The following DMGDH variants were observed in gnomAD, a reference collection of about 807,000 sequenced individuals.
The protein encoded by DMGDH is dimethylglycine dehydrogenase, mitochondrial.
DMGDH carries 76 observed loss-of-function variants against 95.2 expected under a neutral mutation model. The ratio of observed to expected loss-of-function variants is 0.80; its 90% CI spans 0.66 to 0.97. DMGDH has a LOEUF of 0.97. Among genes scored for constraint, DMGDH ranks in the 50% least tolerant of loss-of-function variants. The probability of loss-of-function intolerance (pLI) is 0.00; values close to 1 mark genes in which losing one functional copy is unlikely to be tolerated. For synonymous variants in DMGDH, 345 were observed against 377.6 expected, an observed-to-expected ratio of 0.91 and a Z score of 1.00; for missense variants, 987 against 1,055.0, an observed-to-expected ratio of 0.94 and a Z score of 0.89.
At chr5:79,020,821 A>C in intron 14 of DMGDH, 1 of 985,410 alleles carries the variant, frequency 1.0e-6, no homozygotes, top group Admixed American at 6.1e-5. Context: ...AATTCTTCTG[A>C]TGTGCTTCAA....
At chr5:79,017,921 A>G in intron 14 of DMGDH, among the ~76,000 whole-genome samples, 1 of 152,256 alleles carries the variant, frequency 6.6e-6, no homozygotes, top group Non-Finnish European at 1.5e-5. Flanking sequence ...CAGGTATACC[A>G]AGAGACTACT....
intron 14 of DMGDH, chr5:79,021,616 C>T (rs1388815527): frequency 7.6e-7 from 1 of 1,315,560 alleles, no homozygotes; most frequent in Admixed American, 2.1e-5. Flanking sequence ...CCTAATAAGG[C>T]CTGATGGCCC....
intron 5 of DMGDH, among the ~76,000 whole-genome samples, chr5:79,048,012 A>G (rs1754731079): frequency 1.3e-5 from 2 of 152,186 alleles, no homozygotes; most frequent in Non-Finnish European, 2.9e-5. Context: ...CCACTCTGCT[A>G]GTAAATTGGA....
chr5:79,019,645 G>C (rs1753814665), intron 14 of DMGDH, among the ~76,000 whole-genome samples: 1 of 152,150 alleles, frequency 6.6e-6, no homozygotes, highest in Non-Finnish European at 1.5e-5. Flanking sequence ...AGCACTTTGA[G>C]AGGCTGAGGC....
chr5:79,059,966 A>G (rs553530017), intron 2 of DMGDH, among the ~76,000 whole-genome samples: 3 of 152,342 alleles, frequency 2.0e-5, no homozygotes, highest in Admixed American at 6.5e-5. Flanking sequence ...AAAGCTAATC[A>G]CAATGGTGAT....
At chr5:79,034,598 A>G (rs1023804455) in intron 7 of DMGDH, among the ~76,000 whole-genome samples, 3 of 152,208 alleles carry the variant, frequency 2.0e-5, no homozygotes, top group African/African-American at 7.2e-5. Context: ...CAAAGCAGAC[A>G]TCAAGACACA....
At chr5:79,000,492 G>C in intron 15 of DMGDH, 1 of 605,404 alleles carries the variant, frequency 1.7e-6, no homozygotes, top group East Asian at 4.1e-5. Context: ...TACTTATTCG[G>C]TCTGTAACAG....
chr5:79,064,174 G>A (rs1009516902), intron 1 of DMGDH, among the ~76,000 whole-genome samples: 1 of 151,942 alleles, frequency 6.6e-6, no homozygotes, highest in Non-Finnish European at 1.5e-5. Flanking sequence ...GCAACATGAC[G>A]AAGCCCCGTC....
At chr5:79,062,527 C>T (rs1374701843) in intron 2 of DMGDH, among the ~76,000 whole-genome samples, 1 of 151,694 alleles carries the variant, frequency 6.6e-6, no homozygotes, top group African/African-American at 2.4e-5. Flanking sequence ...AAAACTGCAC[C>T]AGCAGTCCTA....
At chr5:79,008,723 A>C (rs901652410) in intron 14 of DMGDH, among the ~76,000 whole-genome samples, 17 of 152,300 alleles carry the variant, frequency 1.1e-4, no homozygotes, top group Middle Eastern at 3.4e-3. Context: ...ACCATGAGGG[A>C]AACAGGAAAG....
chr5:79,064,181 C>A (rs537117320), intron 1 of DMGDH, among the ~76,000 whole-genome samples: 1 of 151,872 alleles, frequency 6.6e-6, no homozygotes, highest in Non-Finnish European at 1.5e-5. Flanking sequence ...GACGAAGCCC[C>A]GTCTCTATAA....
intron 9 of DMGDH, among the ~76,000 whole-genome samples, chr5:79,032,385 C>A (rs991593747): frequency 2.0e-5 from 3 of 152,190 alleles, no homozygotes; most frequent in Admixed American, 2.0e-4. Flanking sequence ...TAGGAGCCAA[C>A]TGAAGCCAGG....
At chr5:79,055,969 G>A (rs1755019873) in intron 2 of DMGDH, 61 bp from the exon 3 acceptor site, 2 of 1,110,554 alleles carry the variant, frequency 1.8e-6, no homozygotes, top group South Asian at 1.3e-5. Context: ...AATGTTGACA[G>A]TTTATCTGTT....
chr5:79,049,102 G>A (rs1754762276), intron 5 of DMGDH, among the ~76,000 whole-genome samples: 1 of 152,122 alleles, frequency 6.6e-6, no homozygotes, highest in Non-Finnish European at 1.5e-5. Flanking sequence ...GAGACAAGCT[G>A]TTCTCAAGGA....
chr5:79,020,792 AAAC>A (rs1375096754), intron 14 of DMGDH: 82 of 985,118 alleles, frequency 8.3e-5, no homozygotes, highest in Non-Finnish European at 9.4e-5. Context: ...AAAGAGGGAG[AAAC>A]ATATTATAGA....
intron 13 of DMGDH, among the ~76,000 whole-genome samples, chr5:79,025,263 A>G (rs1753967455): frequency 1.3e-5 from 2 of 152,070 alleles, no homozygotes; most frequent in Admixed American, 6.5e-5. Flanking sequence ...AAGGCAGGAG[A>G]ATGGAGAAAT....
At chr5:79,055,221 G>C (rs943030792) in intron 3 of DMGDH, among the ~76,000 whole-genome samples, 4 of 152,218 alleles carry the variant, frequency 2.6e-5, no homozygotes, top group Non-Finnish European at 5.9e-5. Flanking sequence ...AGCAGGCAGA[G>C]GTCAGCTGAC....
rs1254403822 is a variant in DMGDH, at chr5:79,030,027, A to T, written c.1691T>A (p.Phe564Tyr). The T allele has an allele frequency of 3.1e-6, 5 of 1,612,642 alleles. No individual in the cohort carries two copies. In the African/African-American group the frequency reaches 4.0e-5, roughly 13 times the overall value. ...LFANVIPKVG[F>Y]TNISHMLTPK... Reference sequence around the variant, plus strand: ...TGTTAACATGTGACTTATATTTGTAAAACCCACCTACATAAAAAAATTAAA... The same window carrying T: ...TGTTAACATGTGACTTATATTTGTATAACCCACCTACATAAAAAAATTAAA... Residue 564 changes from phenylalanine to tyrosine, a missense_variant, in exon 11 of 16, where the codon TTT (phenylalanine) becomes TAT (tyrosine). Coordinates refer to ENST00000255189, the MANE Select transcript of DMGDH (RefSeq NM_013391.3).
At chr5:79,016,777 G>A (rs1283328429) in intron 14 of DMGDH, among the ~76,000 whole-genome samples, 1 of 152,136 alleles carries the variant, frequency 6.6e-6, no homozygotes, top group African/African-American at 2.4e-5. Context: ...AAGTTGCAGG[G>A]CTATCACAAC....
Sources: allele counts gnomAD v4.1 joint callset (sites outside exome capture counted in the v4.1 genomes callset), GRCh38; gene constraint gnomAD v4.1.1; transcripts MANE v1.5; gene names NCBI Gene and HGNC (gene_info 2026-07-23, HGNC 2026-07-21).